Variants in PCSK2 observed in about 807,000 individuals in gnomAD.
The protein encoded by PCSK2 is proprotein convertase subtilisin/kexin type 2.
In PCSK2, 14 loss-of-function variants were observed where a neutral mutation model predicts 69.7. The observed-to-expected ratio is 0.20, with a 90% CI of 0.13 to 0.31. The LOEUF (loss-of-function observed/expected upper bound fraction) is 0.31, where lower values mean the gene tolerates loss of function less well. PCSK2 is among the 10% of genes least tolerant of loss of function. PCSK2 has a pLI of 1.00. For missense variants in PCSK2, 544 were observed against 842.5 expected (o/e 0.65, Z 4.39); for synonymous variants, 307 against 320.7 (o/e 0.96, Z 0.46).
chr20:17,402,940 G>C (rs1262801627), intron 5 of PCSK2, among the ~76,000 whole-genome samples: 9 of 151,790 alleles, frequency 5.9e-5, no homozygotes, highest in Non-Finnish European at 1.0e-4. Context: ...CTGGGCGACA[G>C]AGCGAGACTC....
At chr20:17,294,760 A>G (rs999936572) in intron 2 of PCSK2, among the ~76,000 whole-genome samples, 8 of 152,168 alleles carry the variant, frequency 5.3e-5, no homozygotes, top group Admixed American at 2.6e-4. Flanking sequence ...TATTTTCAGT[A>G]ATCTTGTCTG....
At chr20:17,412,379 C>T (rs377625010) in intron 6 of PCSK2, among the ~76,000 whole-genome samples, 22 of 151,854 alleles carry the variant, frequency 1.4e-4, no homozygotes, top group Non-Finnish European at 2.8e-4. Context: ...AACTTCGTGA[C>T]GCATGCAAAA....
At chr20:17,327,058 A>G (rs779446372) in intron 2 of PCSK2, among the ~76,000 whole-genome samples, 2 of 152,218 alleles carry the variant, frequency 1.3e-5, no homozygotes, top group Non-Finnish European at 1.5e-5. Context: ...GATGAATTCT[A>G]GACCCAACTC....
At chr20:17,248,815 G>A (rs994989732) in intron 1 of PCSK2, among the ~76,000 whole-genome samples, 1 of 152,148 alleles carries the variant, frequency 6.6e-6, no homozygotes, top group African/African-American at 2.4e-5. Flanking sequence ...TCTCCATCAG[G>A]AATTCCAGGC....
chr20:17,353,253 G>A (rs1471697859), intron 2 of PCSK2, among the ~76,000 whole-genome samples: 1 of 151,132 alleles, frequency 6.6e-6, no homozygotes, highest in Non-Finnish European at 1.5e-5. Flanking sequence ...ACGAGGTCAG[G>A]AGATTGAGAC....
At position 17,392,846 on chromosome 20, in the gene PCSK2, T is replaced by C. The variant is rs558995867; in HGVS notation, c.544-16417T>C. 2.0e-5 allele frequency among the ~76,000 whole-genome samples: 3 copies of C among 152,328 alleles called. No individual in the cohort carries two copies. The South Asian group carries it at 6.2e-4, about 32-fold the overall frequency. ...CAGTCTGGGAACATTTGGATAACTT[T>C]CAGTTTGGACGATTATAAATAAAAT... On this transcript the variant is annotated intron_variant, in intron 5 of 11. Coordinates refer to ENST00000262545, the MANE Select transcript of PCSK2 (RefSeq NM_002594.5).
At chr20:17,401,285 A>C (rs1299710558) in intron 5 of PCSK2, among the ~76,000 whole-genome samples, 2 of 152,228 alleles carry the variant, frequency 1.3e-5, no homozygotes, top group East Asian at 1.9e-4. Context: ...TATTGGCTAC[A>C]GTTCTGGAGA....
intron 2 of PCSK2, among the ~76,000 whole-genome samples, chr20:17,281,014 T>A (rs773661852): frequency 6.6e-6 from 1 of 152,050 alleles, no homozygotes; most frequent in Non-Finnish European, 1.5e-5. Context: ...CCCGCCATAT[T>A]TGCCTTCTCC....
At position 17,372,293 on chromosome 20, in the gene PCSK2, C is replaced by T. The variant is rs571348037; in HGVS notation, c.543+3016C>T. ...ACTCAGGAGGCTGAGGCAGGAGAATCGCTTGAACCCAGGAGGCGGAGGTTG... is the reference window on the plus strand; with the variant it reads ...ACTCAGGAGGCTGAGGCAGGAGAATTGCTTGAACCCAGGAGGCGGAGGTTG... On this transcript the variant is annotated intron_variant, in intron 5 of 11. Transcript: ENST00000262545. Among the ~76,000 whole-genome samples the T allele has an allele frequency of 2.0e-5, 3 of 151,938 alleles. No individual in the cohort carries two copies. The South Asian group carries it at 6.2e-4, about 32-fold the overall frequency.
At chr20:17,356,447 T>C (rs2030199867) in intron 2 of PCSK2, among the ~76,000 whole-genome samples, 1 of 152,166 alleles carries the variant, frequency 6.6e-6, no homozygotes, top group African/African-American at 2.4e-5. Flanking sequence ...CCTTCTCATG[T>C]CAGTGTGCAG....
At chr20:17,257,741 A>C (rs1473305312) in intron 1 of PCSK2, among the ~76,000 whole-genome samples, 2 of 152,192 alleles carry the variant, frequency 1.3e-5, no homozygotes, top group African/African-American at 2.4e-5. Flanking sequence ...GTTTTTAAAG[A>C]GACATCAAGT....
intron 1 of PCSK2, among the ~76,000 whole-genome samples, chr20:17,250,790 T>A (rs1032522223): frequency 6.6e-6 from 1 of 152,164 alleles, no homozygotes; most frequent in African/African-American, 2.4e-5. Flanking sequence ...CCAAATTTTC[T>A]TTCTAGTGTT....
chr20:17,363,422 G>A (rs769188549), intron 4 of PCSK2, among the ~76,000 whole-genome samples: 3 of 152,202 alleles, frequency 2.0e-5, no homozygotes, highest in Non-Finnish European at 4.4e-5. Flanking sequence ...TTTCTTAAGG[G>A]TCTACTAGGA....
chr20:17,472,629 C>T lies in PCSK2; in HGVS notation c.1430+7076C>T, dbSNP rs531560632. ...TGGCCCAGGCTGGAGTGCAGTGGCACGATCTTGGCTCACTACAACCTCCAC... is the reference window on the plus strand; with the variant it reads ...TGGCCCAGGCTGGAGTGCAGTGGCATGATCTTGGCTCACTACAACCTCCAC... On this transcript the variant is annotated intron_variant, in intron 11 of 11. Coordinates refer to ENST00000262545, the MANE Select transcript of PCSK2 (RefSeq NM_002594.5). Among the ~76,000 whole-genome samples, 8 of 152,044 alleles carry T rather than the reference C, an allele frequency of 5.3e-5. No homozygotes were observed. In the South Asian group the frequency reaches 8.3e-4, roughly 16 times the overall value.
chr20:17,295,492 TTTA>T (rs1988860460), intron 2 of PCSK2, among the ~76,000 whole-genome samples: 2 of 148,360 alleles, frequency 1.3e-5, no homozygotes, highest in Admixed American at 6.8e-5. Flanking sequence ...TACTTATTTA[TTTA>T]TTATTTATTT....
intron 11 of PCSK2, among the ~76,000 whole-genome samples, chr20:17,468,637 G>C (rs2033148752): frequency 6.7e-6 from 1 of 150,186 alleles, no homozygotes; most frequent in South Asian, 2.1e-4. Flanking sequence ...TAGAAGGGTA[G>C]CCCACTATAG....
At chr20:17,259,350 T>C (rs751978503) in intron 1 of PCSK2, among the ~76,000 whole-genome samples, 4 of 152,246 alleles carry the variant, frequency 2.6e-5, no homozygotes, top group Non-Finnish European at 4.4e-5. Flanking sequence ...GCAAACAGCA[T>C]GTCTTCATCA....
At position 17,481,827 on chromosome 20, in the gene PCSK2, C is replaced by T. The variant is rs1418679747; in HGVS notation, c.1674C>T (p.His558=). ...ACAAGTGGCCTTTCATGACCACTCA[C>T]ACGTGGGGGGAAGACGCCCGAGGCA... ...GFDKWPFMTT[H]TWGEDARGTW... Residue 558 remains histidine, a synonymous_variant, in exon 12 of 12, where the codon CAC becomes CAT. Coordinates refer to ENST00000262545, the MANE Select transcript of PCSK2 (RefSeq NM_002594.5). 3 of 1,614,068 alleles carry T rather than the reference C, an allele frequency of 1.9e-6. No individual in the cohort carries two copies. Among genetic ancestry groups the T allele is most frequent in the East Asian group, 4.5e-5 (2 of 44,892 alleles).
intron 2 of PCSK2, among the ~76,000 whole-genome samples, chr20:17,356,887 C>T (rs900609106): frequency 6.6e-6 from 1 of 152,080 alleles, no homozygotes; most frequent in African/African-American, 2.4e-5. Flanking sequence ...CACAGAGGCA[C>T]CCCTAAGGCA....
Sources: allele counts gnomAD v4.1 joint callset (sites outside exome capture counted in the v4.1 genomes callset), GRCh38; gene constraint gnomAD v4.1.1; transcripts MANE v1.5; gene names NCBI Gene and HGNC (gene_info 2026-07-23, HGNC 2026-07-21).